The following LRP1B variants were observed in gnomAD, a reference collection of about 807,000 sequenced individuals.
LRP1B encodes LDL receptor related protein 1B.
In LRP1B, 217 loss-of-function variants were observed where a neutral mutation model predicts 556.6. That is an observed-to-expected ratio of 0.39 (90% confidence interval 0.35 to 0.44). The LOEUF is 0.44. Ranked by LOEUF, LRP1B falls within the 20% of genes least tolerant of loss-of-function variation. The pLI is 1.00. For missense variants in LRP1B, 5,053 were observed against 5,620.8 expected, an observed-to-expected ratio of 0.90 and a Z score of 3.23; for synonymous variants, 2,047 against 1,865.8, an observed-to-expected ratio of 1.10 and a Z score of -2.50.
intron 2 of LRP1B, among the ~76,000 whole-genome samples, chr2:141,577,086 C>T (rs959870978): frequency 1.3e-5 from 2 of 152,078 alleles, no homozygotes; most frequent in Admixed American, 1.3e-4. Context: ...CTAATTGTAA[C>T]TGCAACTAGA....
intron 3 of LRP1B, among the ~76,000 whole-genome samples, chr2:141,472,534 C>A (rs1256722090): frequency 6.6e-6 from 1 of 151,936 alleles, no homozygotes; most frequent in African/African-American, 2.4e-5. Context: ...GAGCAAGACT[C>A]CATCTCAAAA....
chr2:140,909,269 T>G (rs901450346), intron 21 of LRP1B, among the ~76,000 whole-genome samples: 1 of 152,146 alleles, frequency 6.6e-6, no homozygotes, highest in Admixed American at 6.6e-5. Flanking sequence ...ACCAGCATCT[T>G]ATAAAAATAA....
chr2:141,842,924 A>G (rs2105762680), intron 1 of LRP1B, among the ~76,000 whole-genome samples: 1 of 152,296 alleles, frequency 6.6e-6, no homozygotes, highest in African/African-American at 2.4e-5. Context: ...TCAAATAAAT[A>G]CTTCAAGTAA....
Position 140,954,892 on chromosome 2 carries a change from G to A in LRP1B, c.2888-2952C>T, listed in dbSNP as rs1273567384. 3.9e-5 allele frequency among the ~76,000 whole-genome samples: 6 copies of A among 151,938 alleles called. No homozygotes were observed. In the South Asian group the frequency reaches 1.2e-3, roughly 32 times the overall value. On this transcript the variant is annotated intron_variant, in intron 18 of 90. Coordinates refer to ENST00000389484, the MANE Select transcript of LRP1B (RefSeq NM_018557.3). ...AAAATTACTGTAGAGAAAAACATTGGGAACTAGAATAAGGCTGAAGGGAAA... is the reference window on the plus strand; with the variant it reads ...AAAATTACTGTAGAGAAAAACATTGAGAACTAGAATAAGGCTGAAGGGAAA...
chr2:140,396,238 C>T (rs572235470), intron 66 of LRP1B, among the ~76,000 whole-genome samples: 1 of 152,210 alleles, frequency 6.6e-6, no homozygotes, highest in Non-Finnish European at 1.5e-5. Flanking sequence ...GAGAGACAAA[C>T]AAAATAAGCC....
At chr2:141,589,180 G>A (rs1687241647) in intron 2 of LRP1B, among the ~76,000 whole-genome samples, 1 of 152,098 alleles carries the variant, frequency 6.6e-6, no homozygotes, top group African/African-American at 2.4e-5. Flanking sequence ...CAACATAACA[G>A]CTAAAGTTTA....
At chr2:140,662,842 A>G (rs1685143371) in intron 41 of LRP1B, among the ~76,000 whole-genome samples, 2 of 152,174 alleles carry the variant, frequency 1.3e-5, no homozygotes, top group South Asian at 4.1e-4. Flanking sequence ...ACACATATAA[A>G]GAGGAAATTG....
intron 35 of LRP1B, among the ~76,000 whole-genome samples, chr2:140,755,589 A>G (rs1044862723): frequency 1.8e-4 from 27 of 151,928 alleles, no homozygotes; most frequent in Non-Finnish European, 3.5e-4. Flanking sequence ...TCATCTCAGT[A>G]GGTATGAAAA....
rs541908653 is a variant in LRP1B at position 141,349,658 on chromosome 2, T to C, written c.344-95017A>G. Among the ~76,000 whole-genome samples, 4 of 152,200 alleles carry C rather than the reference T, an allele frequency of 2.6e-5. No homozygotes were observed. In the South Asian group the frequency reaches 6.2e-4, roughly 24 times the overall value. ...GATATCAAAGTGTCTTCTCTAACAT[T>C]CTATATCTGTTTCTGAAAATCAACT... is the stretch of plus-strand genomic sequence containing the variant. On this transcript the variant is annotated intron_variant, in intron 3 of 90. Transcript: ENST00000389484.
chr2:141,861,092 A>G (rs1029595819), intron 1 of LRP1B, among the ~76,000 whole-genome samples: 5 of 152,250 alleles, frequency 3.3e-5, no homozygotes, highest in Non-Finnish European at 7.3e-5. Flanking sequence ...TTACTTTTAA[A>G]GTTCTAGAGT....
intron 1 of LRP1B, among the ~76,000 whole-genome samples, chr2:141,845,362 A>G (rs1401571290): frequency 6.6e-6 from 1 of 151,402 alleles, no homozygotes; most frequent in Non-Finnish European, 1.5e-5. Flanking sequence ...GAATTCATAG[A>G]AAAAAAATGC....
chr2:141,559,746 A>C (rs947427465), intron 2 of LRP1B, among the ~76,000 whole-genome samples: 1 of 151,706 alleles, frequency 6.6e-6, no homozygotes, highest in Non-Finnish European at 1.5e-5. Context: ...TTGAAAATTG[A>C]GGCACAATTG....
intron 41 of LRP1B, among the ~76,000 whole-genome samples, chr2:140,649,130 A>G (rs1349191907): frequency 1.3e-5 from 2 of 152,176 alleles, no homozygotes; most frequent in Non-Finnish European, 2.9e-5. Flanking sequence ...GGTACATAAA[A>G]TTCAATCCAG....
chr2:140,854,671 A>G (rs1692561118), intron 27 of LRP1B, among the ~76,000 whole-genome samples: 1 of 152,204 alleles, frequency 6.6e-6, no homozygotes, highest in Non-Finnish European at 1.5e-5. Context: ...TTGTAAATAA[A>G]GTTTTATTGA....
At chr2:141,950,526 C>G (rs983706618) in intron 1 of LRP1B, among the ~76,000 whole-genome samples, 1 of 152,064 alleles carries the variant, frequency 6.6e-6, no homozygotes, top group Non-Finnish European at 1.5e-5. Flanking sequence ...ATTATATAGT[C>G]TTTGAGAATG....
At chr2:140,368,867 T>C (rs1443460085) in intron 71 of LRP1B, among the ~76,000 whole-genome samples, 1 of 151,838 alleles carries the variant, frequency 6.6e-6, no homozygotes, top group East Asian at 1.9e-4. Context: ...TGGTAATGCC[T>C]TAAGGTACAT....
intron 1 of LRP1B, among the ~76,000 whole-genome samples, chr2:141,957,856 A>G (rs527698295): frequency 1.6e-3 from 243 of 152,206 alleles, no homozygotes; most frequent in African/African-American, 5.3e-3. Context: ...TAGCCACAAA[A>G]TAACTGTGAT....
chr2:141,862,013 A>C (rs1254798266), intron 1 of LRP1B, among the ~76,000 whole-genome samples: 5 of 152,208 alleles, frequency 3.3e-5, no homozygotes, highest in Non-Finnish European at 5.9e-5. Flanking sequence ...ACTTAGTCAT[A>C]AATGCACAAA....
chr2:141,815,585 T>C (rs1696515319), intron 1 of LRP1B, among the ~76,000 whole-genome samples: 1 of 152,082 alleles, frequency 6.6e-6, no homozygotes. Context: ...ATCAGCACTC[T>C]GTAAAATGCA....
Sources: allele counts gnomAD v4.1 joint callset (sites outside exome capture counted in the v4.1 genomes callset), GRCh38; gene constraint gnomAD v4.1.1; transcripts MANE v1.5; gene names NCBI Gene and HGNC (gene_info 2026-07-23, HGNC 2026-07-21).